The following TBC1D31 variants were observed in gnomAD, a reference collection of about 807,000 sequenced individuals.
TBC1D31 encodes the protein WD repeat domain 67.
TBC1D31 carries 99 observed loss-of-function variants against 132.9 expected under a neutral mutation model. The observed-to-expected ratio is 0.74, with a 90% CI of 0.63 to 0.88. The LOEUF is 0.88. TBC1D31 is among the 40% of genes least tolerant of loss of function. The pLI is 0.00. For synonymous variants in TBC1D31, 385 were observed against 419.4 expected, an observed-to-expected ratio of 0.92 and a Z score of 1.00; for missense variants, 1,134 against 1,256.6, an observed-to-expected ratio of 0.90 and a Z score of 1.48.
rs531433819 is a variant in TBC1D31, at chr8:123,081,818, C to T, written c.225-884C>T. Among the ~76,000 whole-genome samples the T allele has an allele frequency of 6.6e-5, 10 of 152,286 alleles. No homozygotes were observed. In the East Asian group the frequency reaches 1.9e-3, roughly 29 times the overall value. On this transcript the variant is annotated intron_variant, in intron 2 of 21. Coordinates refer to ENST00000287380, the MANE Select transcript of TBC1D31 (RefSeq NM_145647.4). ...AGATCTCATGAGATTTATTCACTAC[C>T]ATGAGAACAGTGTGGGGGAAACTGC...
chr8:123,088,747 T>C (rs1490407696), intron 4 of TBC1D31, among the ~76,000 whole-genome samples: 3 of 152,232 alleles, frequency 2.0e-5, no homozygotes, highest in African/African-American at 7.2e-5. Context: ...TTGGGTCTTT[T>C]GTTATGGATT....
chr8:123,099,579 C>G (rs1937593740), intron 6 of TBC1D31, among the ~76,000 whole-genome samples: 1 of 152,116 alleles, frequency 6.6e-6, no homozygotes, highest in Non-Finnish European at 1.5e-5. Flanking sequence ...AACAGGCAGA[C>G]AGTGGGGAGC....
intron 2 of TBC1D31, among the ~76,000 whole-genome samples, chr8:123,080,995 A>G (rs1815095693): frequency 6.6e-6 from 1 of 152,116 alleles, no homozygotes; most frequent in African/African-American, 2.4e-5. Flanking sequence ...ATCAGACTTG[A>G]TCATAAAGCC....
intron 7 of TBC1D31, chr8:123,103,294 T>C (rs905266582): frequency 3.8e-4 from 58 of 152,328 alleles, no homozygotes; most frequent in African/African-American, 1.4e-3. Flanking sequence ...ATGTATACTA[T>C]ATAAGTATAT....
intron 21 of TBC1D31, among the ~76,000 whole-genome samples, chr8:123,151,034 C>A (rs1327607717): frequency 6.6e-6 from 1 of 152,154 alleles, no homozygotes; most frequent in Admixed American, 6.5e-5. Flanking sequence ...TTTTTATATG[C>A]ATCTATAAAT....
chr8:123,127,084 T>A (rs983175981), intron 13 of TBC1D31, among the ~76,000 whole-genome samples: 1 of 152,042 alleles, frequency 6.6e-6, no homozygotes, highest in East Asian at 1.9e-4. Context: ...ATTGAGTCCC[T>A]GTTATATGTC....
chr8:123,083,593 C>G (rs1815413510), intron 3 of TBC1D31: 1 of 152,336 alleles, frequency 6.6e-6, no homozygotes, highest in Non-Finnish European at 1.5e-5. Flanking sequence ...AACAGTATCA[C>G]CATCTGCTTA....
chr8:123,139,904 GC>G (rs1336611010), intron 17 of TBC1D31, among the ~76,000 whole-genome samples: 1 of 152,204 alleles, frequency 6.6e-6, no homozygotes, highest in Non-Finnish European at 1.5e-5. Flanking sequence ...CACTAGGTGA[GC>G]TCTGAGTGAG....
At chr8:123,134,514 C>T (rs1285050022) in intron 17 of TBC1D31, among the ~76,000 whole-genome samples, 1 of 151,454 alleles carries the variant, frequency 6.6e-6, no homozygotes, top group Non-Finnish European at 1.5e-5. Flanking sequence ...GCAAACAGAG[C>T]GAGACCCTAT....
chr8:123,133,595 G>T (rs1466445396), intron 16 of TBC1D31, among the ~76,000 whole-genome samples: 1 of 152,054 alleles, frequency 6.6e-6, no homozygotes, highest in Non-Finnish European at 1.5e-5. Context: ...TAGTATATAG[G>T]AATAAAAAGC....
intron 15 of TBC1D31, among the ~76,000 whole-genome samples, chr8:123,129,624 A>C (rs927285632): frequency 6.6e-6 from 1 of 152,100 alleles, no homozygotes; most frequent in Non-Finnish European, 1.5e-5. Flanking sequence ...TGATTATGTC[A>C]TTACCCATTT....
the TBC1D31 span, among the ~76,000 whole-genome samples, chr8:123,159,268 G>GAAAAAAAAAA: frequency 1.1e-5 from 1 of 93,922 alleles, no homozygotes; most frequent in Non-Finnish European, 2.2e-5. Flanking sequence ...ATTTGAACAG[G>GAAAAAAAAAA]AAAAAAAAAA....
intron 1 of TBC1D31, chr8:123,075,012 CTA>C (rs1814352530): frequency 6.6e-6 from 1 of 152,166 alleles, no homozygotes. Context: ...CAGAATGTCA[CTA>C]TTGTGATTAC....
intron 2 of TBC1D31, 138 bp from the exon 3 acceptor site, chr8:123,082,564 C>T: frequency 4.9e-6 from 3 of 610,712 alleles, no homozygotes; most frequent in Non-Finnish European, 8.6e-6. Context: ...CACATAGCAC[C>T]CTTCATAATC....
chr8:123,118,566 T>C (rs529859925), intron 10 of TBC1D31, among the ~76,000 whole-genome samples: 7 of 151,990 alleles, frequency 4.6e-5, no homozygotes, highest in South Asian at 2.1e-4. Context: ...CAAAGACTCA[T>C]GTAAAACTGA....
At chr8:123,132,941 C>T (rs755992622) in intron 16 of TBC1D31, among the ~76,000 whole-genome samples, 1 of 152,118 alleles carries the variant, frequency 6.6e-6, no homozygotes, top group Non-Finnish European at 1.5e-5. Context: ...CCCTTTGAAA[C>T]AGGAGGAGGC....
intron 4 of TBC1D31, among the ~76,000 whole-genome samples, chr8:123,092,094 AACCTCC>A (rs1816383055): frequency 6.6e-6 from 1 of 152,070 alleles, no homozygotes. Flanking sequence ...AGCTCATTGC[AACCTCC>A]ACCCTCCAGG....
chr8:123,163,873 T>C, the TBC1D31 span, among the ~76,000 whole-genome samples: 1 of 152,218 alleles, frequency 6.6e-6, no homozygotes. Flanking sequence ...AGTACATTCA[T>C]AGCATTGTGA....
At position 123,073,874 on chromosome 8, in the gene TBC1D31, C is replaced by CG. The variant is rs111801333; in HGVS notation, c.77+1032dup. Among the ~76,000 whole-genome samples, 638 of 151,446 alleles carry CG rather than the reference C, an allele frequency of 4.2e-3. 9 individuals are homozygous for CG. The highest frequency in any genetic ancestry group is 0.014 in the African/African-American group (567 of 41,242). On this transcript the variant is annotated intron_variant, in intron 1 of 21. Coordinates refer to ENST00000287380, the MANE Select transcript of TBC1D31 (RefSeq NM_145647.4). ...CTAATTTTTGTATTTTTAGTAGAGACGGGGTTTCACCATGTTGGCCAGGCT... is the reference window on the plus strand; with the variant it reads ...CTAATTTTTGTATTTTTAGTAGAGACGGGGGTTTCACCATGTTGGCCAGGCT...
Sources: allele counts gnomAD v4.1 joint callset (sites outside exome capture counted in the v4.1 genomes callset), GRCh38; gene constraint gnomAD v4.1.1; transcripts MANE v1.5; gene names NCBI Gene and HGNC (gene_info 2026-07-23, HGNC 2026-07-21).